GALNTL6: variants seen among roughly 807,000 people sequenced by gnomAD.
GALNTL6 encodes polypeptide N-acetylgalactosaminyltransferase-like 6.
In GALNTL6, 46 loss-of-function variants were observed where a neutral mutation model predicts 73.7. The observed-to-expected ratio is 0.62, with a 90% CI of 0.49 to 0.80. The LOEUF is 0.80. Ranked by LOEUF, GALNTL6 falls within the 30% of genes least tolerant of loss-of-function variation. The probability of loss-of-function intolerance (pLI) is 0.00; values close to 1 mark genes in which losing one functional copy is unlikely to be tolerated. For missense variants in GALNTL6, 604 were observed against 755.0 expected (o/e 0.80, Z 2.34); for synonymous variants, 259 against 263.7 (o/e 0.98, Z 0.17).
intron 5 of GALNTL6, among the ~76,000 whole-genome samples, chr4:172,643,726 A>T (rs1416557955): frequency 6.6e-6 from 1 of 151,976 alleles, no homozygotes; most frequent in Non-Finnish European, 1.5e-5. Flanking sequence ...ATTTATTTGC[A>T]TCATTATGCA....
chr4:172,855,546 G>T (rs1230234881), intron 7 of GALNTL6, among the ~76,000 whole-genome samples: 1 of 152,156 alleles, frequency 6.6e-6, no homozygotes, highest in East Asian at 1.9e-4. Context: ...AGTCAGTCAA[G>T]GTCATGAGAG....
chr4:171,819,849 A>G (rs551493), intron 2 of GALNTL6, among the ~76,000 whole-genome samples: 147,983 of 152,230 alleles, frequency 0.97, 72,067 homozygotes, highest in Middle Eastern at 1. Flanking sequence ...TGGAAACATC[A>G]GATCTTTAAA....
chr4:172,690,944 A>G (rs574408325), intron 5 of GALNTL6, among the ~76,000 whole-genome samples: 39 of 152,240 alleles, frequency 2.6e-4, no homozygotes, highest in Non-Finnish European at 4.9e-4. Context: ...TATTGTAGAA[A>G]TACAATACTC....
At chr4:171,896,654 G>A (rs1026602793) in intron 2 of GALNTL6, among the ~76,000 whole-genome samples, 4 of 152,072 alleles carry the variant, frequency 2.6e-5, no homozygotes, top group Admixed American at 6.5e-5. Context: ...GGCCTCTTTC[G>A]TAACACTAAT....
chr4:172,660,909 A>G (rs569615211), intron 5 of GALNTL6, among the ~76,000 whole-genome samples: 3 of 152,338 alleles, frequency 2.0e-5, no homozygotes, highest in South Asian at 2.1e-4. Flanking sequence ...AACTCAAAGC[A>G]CAAATGAATA....
At chr4:172,336,397 G>A (rs1302045596) in intron 4 of GALNTL6, among the ~76,000 whole-genome samples, 1 of 148,552 alleles carries the variant, frequency 6.7e-6, no homozygotes, top group African/African-American at 2.5e-5. Context: ...TCAGCCTCCT[G>A]ACTAGCTGGG....
chr4:172,039,910 G>T (rs950013981), intron 2 of GALNTL6, among the ~76,000 whole-genome samples: 1 of 151,658 alleles, frequency 6.6e-6, no homozygotes, highest in Admixed American at 6.6e-5. Flanking sequence ...GCTTACTTTC[G>T]CTGTGAGAAA....
chr4:172,492,779 G>T (rs542607970), intron 5 of GALNTL6, among the ~76,000 whole-genome samples: 1 of 152,196 alleles, frequency 6.6e-6, no homozygotes, highest in African/African-American at 2.4e-5. Context: ...AAAACTACTT[G>T]GGTCATACTA....
At chr4:172,618,295 A>G (rs1001359796) in intron 5 of GALNTL6, among the ~76,000 whole-genome samples, 22 of 152,108 alleles carry the variant, frequency 1.4e-4, no homozygotes, top group African/African-American at 5.1e-4. Context: ...AAATTGTGTC[A>G]TTTTCTGCCA....
intron 7 of GALNTL6, among the ~76,000 whole-genome samples, chr4:172,816,147 G>A (rs1389598462): frequency 6.6e-6 from 1 of 152,194 alleles, no homozygotes; most frequent in Non-Finnish European, 1.5e-5. Context: ...AAAGTGTATG[G>A]TTTTCTGTGG....
At chr4:172,446,300 A>G (rs1229429653) in intron 5 of GALNTL6, among the ~76,000 whole-genome samples, 1 of 152,176 alleles carries the variant, frequency 6.6e-6, no homozygotes. Context: ...CTGTGTCTCC[A>G]AAACTAAGAT....
At chr4:172,962,847 T>C (rs1365979595) in intron 10 of GALNTL6, among the ~76,000 whole-genome samples, 2 of 151,862 alleles carry the variant, frequency 1.3e-5, no homozygotes, top group African/African-American at 2.4e-5. Context: ...CGCCACTCAT[T>C]TCCCTGACAA....
intron 2 of GALNTL6, among the ~76,000 whole-genome samples, chr4:171,888,699 A>G (rs1249581263): frequency 2.6e-5 from 4 of 152,140 alleles, no homozygotes; most frequent in Non-Finnish European, 5.9e-5. Flanking sequence ...AAAGAAATCC[A>G]GCCTTTCCTT....
chr4:172,030,432 C>T (rs912708264), intron 2 of GALNTL6, among the ~76,000 whole-genome samples: 4 of 151,940 alleles, frequency 2.6e-5, no homozygotes, highest in South Asian at 2.1e-4. Flanking sequence ...TGGGGTAGGC[C>T]GGGCACAGTG....
At chr4:172,333,750 A>G (rs887149180) in intron 4 of GALNTL6, among the ~76,000 whole-genome samples, 4 of 152,092 alleles carry the variant, frequency 2.6e-5, no homozygotes, top group African/African-American at 9.7e-5. Flanking sequence ...TTAGTCATAA[A>G]TTGTTTGCCT....
intron 5 of GALNTL6, among the ~76,000 whole-genome samples, chr4:172,623,834 G>C (rs1239383099): frequency 6.6e-6 from 1 of 151,940 alleles, no homozygotes; most frequent in African/African-American, 2.4e-5. Context: ...TTTGGGCCTT[G>C]GTCCATCTTA....
At chr4:171,994,054 A>G (rs1740415185) in intron 2 of GALNTL6, among the ~76,000 whole-genome samples, 1 of 152,064 alleles carries the variant, frequency 6.6e-6, no homozygotes, top group Admixed American at 6.6e-5. Flanking sequence ...TTGTTATGTC[A>G]TTGAACTCTC....
chr4:172,178,985 T>G (rs1205510063), intron 2 of GALNTL6, among the ~76,000 whole-genome samples: 93 of 119,282 alleles, frequency 7.8e-4, no homozygotes, highest in Non-Finnish European at 1.5e-3. Context: ...GGACATGAAC[T>G]CATCATTTTT....
At chr4:172,909,990 T>C (rs1402973018) in intron 8 of GALNTL6, among the ~76,000 whole-genome samples, 1 of 151,912 alleles carries the variant, frequency 6.6e-6, no homozygotes, top group African/African-American at 2.4e-5. Context: ...TGGAATAATA[T>C]CCAAGTCTAT....
Sources: allele counts gnomAD v4.1 joint callset (sites outside exome capture counted in the v4.1 genomes callset), GRCh38; gene constraint gnomAD v4.1.1; transcripts MANE v1.5; gene names NCBI Gene and HGNC (gene_info 2026-07-23, HGNC 2026-07-21).